The following ZC2HC1B variants were observed in gnomAD, a reference collection of about 807,000 sequenced individuals.
ZC2HC1B encodes the protein zinc finger C2HC-type containing 1B.
ZC2HC1B carries 36 observed loss-of-function variants against 31.0 expected under a neutral mutation model. The ratio of observed to expected loss-of-function variants is 1.16; its 90% CI spans 0.89 to 1.54. The LOEUF is 1.54. Ranked by LOEUF, ZC2HC1B falls within the 40% of genes most tolerant of loss-of-function variation. The pLI is 0.00. For missense variants in ZC2HC1B, 260 were observed against 268.6 expected (o/e 0.97, Z 0.22); for synonymous variants, 73 against 88.0 (o/e 0.83, Z 0.95).
chr6:143,929,321 C>T (rs1408049693), intron 6 of ZC2HC1B, among the ~76,000 whole-genome samples: 1 of 152,138 alleles, frequency 6.6e-6, no homozygotes, highest in East Asian at 1.9e-4. Flanking sequence ...AATGCTTTTT[C>T]TAATCTATTG....
intron 5 of ZC2HC1B, 124 bp downstream of exon 5, chr6:143,898,815 T>C (rs894526514): frequency 3.2e-6 from 4 of 1,248,222 alleles, no homozygotes; most frequent in African/African-American, 3.0e-5. Flanking sequence ...GAGCTGATCA[T>C]GATTGCTCAC....
chr6:143,883,960 G>A lies in ZC2HC1B; in HGVS notation c.29-344G>A, dbSNP rs1000466911. ...AGTCCCAAAGATGTTACCACTGGTG[G>A]TAAAAATACCACCTTATACTAAGGT... is the stretch of plus-strand genomic sequence containing the variant. On this transcript the variant is annotated intron_variant, in intron 1 of 7. Coordinates refer to ENST00000237275, the MANE Select transcript of ZC2HC1B (RefSeq NM_001013623.3). This position sits in a 1 kb window ranked among gnomAD's most constrained non-coding sequence, Gnocchi z 4.1. Among the ~76,000 whole-genome samples the A allele has an allele frequency of 9.2e-5, 14 of 152,082 alleles. No homozygotes were observed. The highest frequency in any genetic ancestry group is 3.4e-4 in the African/African-American group (14 of 41,402).
intron 6 of ZC2HC1B, among the ~76,000 whole-genome samples, chr6:143,916,842 A>G (rs1482366966): frequency 6.6e-6 from 1 of 152,216 alleles, no homozygotes; most frequent in Non-Finnish European, 1.5e-5. Flanking sequence ...CTTTTGATTT[A>G]CAGGCTCATA....
intron 5 of ZC2HC1B, among the ~76,000 whole-genome samples, chr6:143,898,941 T>C (rs973776850): frequency 6.6e-6 from 1 of 152,238 alleles, no homozygotes; most frequent in African/African-American, 2.4e-5. Flanking sequence ...AAGACTTGAA[T>C]ACATAGTGTT....
rs1777996060 is a variant in ZC2HC1B, at chr6:143,922,679, A to G, written c.599-14970A>G. Among the ~76,000 whole-genome samples, 1 of 152,190 alleles carries G rather than the reference A, an allele frequency of 6.6e-6. No homozygotes were observed. The highest frequency in any genetic ancestry group is 6.5e-5 in the Admixed American group (1 of 15,288). Reference sequence around the variant, plus strand: ...GATATCATTCTTTTTTTGTGGCTGAATAGTATTCCACTGAGTATATATACC... The same window carrying G: ...GATATCATTCTTTTTTTGTGGCTGAGTAGTATTCCACTGAGTATATATACC... On this transcript the variant is annotated intron_variant, in intron 6 of 7. Coordinates refer to ENST00000237275, the MANE Select transcript of ZC2HC1B (RefSeq NM_001013623.3). The surrounding 1 kb of genome is among the most constrained non-coding windows in gnomAD (Gnocchi z 5.0).
In ZC2HC1B at chr6:143,918,488, A is replaced by T. The variant is rs2128496669; in HGVS notation, c.598+15336A>T. Among the ~76,000 whole-genome samples the T allele has an allele frequency of 6.6e-6, 1 of 151,408 alleles. No individual in the cohort carries two copies. Among genetic ancestry groups the T allele is most frequent in the East Asian group, 1.9e-4 (1 of 5,160 alleles). On this transcript the variant is annotated intron_variant, in intron 6 of 7. Transcript: ENST00000237275. This position sits in a 1 kb window ranked among gnomAD's most constrained non-coding sequence, Gnocchi z 4.1. ...CATTTTTTTTCTTGCTACTCTGATT[A>T]TTTTTTGTCTTTTTCTTTTGAAAGT...
At chr6:143,929,166 C>G (rs970249901) in intron 6 of ZC2HC1B, among the ~76,000 whole-genome samples, 1 of 152,012 alleles carries the variant, frequency 6.6e-6, no homozygotes, top group Admixed American at 6.6e-5. Flanking sequence ...TTGTCTTGTT[C>G]TAGTTCTTAA....
chr6:143,935,992 A>T (rs9321949), intron 6 of ZC2HC1B, among the ~76,000 whole-genome samples: 98,201 of 151,968 alleles, frequency 0.65, 32,231 homozygotes, highest in South Asian at 0.78. Context: ...TATATTATAA[A>T]TCTAGTTGTT....
intron 6 of ZC2HC1B, among the ~76,000 whole-genome samples, chr6:143,907,834 A>G (rs540813844): frequency 6.6e-6 from 1 of 152,174 alleles, no homozygotes; most frequent in South Asian, 2.1e-4. Context: ...TGGTGTCTTC[A>G]TCATGAAATC....
rs1302343080 is a variant in ZC2HC1B, at chr6:143,884,400, T to C, written c.90+35T>C. On this transcript the variant is annotated intron_variant, in intron 2 of 7. Transcript: ENST00000237275. This position sits in a 1 kb window ranked among gnomAD's most constrained non-coding sequence, Gnocchi z 5.1. Reference sequence around the variant, plus strand: ...AAGACATTTTGTAGATGTGTTTCATTGGACTTAAATGAACTGTCAAGTCAG... The same window carrying C: ...AAGACATTTTGTAGATGTGTTTCATCGGACTTAAATGAACTGTCAAGTCAG... The C allele has an allele frequency of 6.6e-6, 10 of 1,515,288 alleles. No homozygotes were observed. Among genetic ancestry groups the C allele is most frequent in the Non-Finnish European group, 8.9e-6 (10 of 1,119,222 alleles). 93.9% of individuals were successfully genotyped at this position (1,515,288 alleles called of 1,614,324 possible).
chr6:143,934,996 G>A lies in ZC2HC1B; in HGVS notation c.599-2653G>A, dbSNP rs1778159823. Among the ~76,000 whole-genome samples, 1 of 152,100 alleles carries A rather than the reference G, an allele frequency of 6.6e-6. No homozygotes were observed. Among genetic ancestry groups the A allele is most frequent in the African/African-American group, 2.4e-5 (1 of 41,420 alleles). On this transcript the variant is annotated intron_variant, in intron 6 of 7. Coordinates refer to ENST00000237275, the MANE Select transcript of ZC2HC1B (RefSeq NM_001013623.3). This position sits in a 1 kb window ranked among gnomAD's most constrained non-coding sequence, Gnocchi z 4.6. ...TCAGGTTCCTGGGTGGCATGCATGG[G>A]GTTGCCAATAACATTGATGGTGGTA...
intron 6 of ZC2HC1B, 119 bp from the exon 7 acceptor site, chr6:143,937,530 C>T (rs372575535): frequency 6.3e-6 from 4 of 635,862 alleles, no homozygotes; most frequent in Non-Finnish European, 6.7e-6. Context: ...CCCCACCTCC[C>T]ACCAAAAAAA....
At chr6:143,881,469 T>G (rs1170366986) in intron 1 of ZC2HC1B, among the ~76,000 whole-genome samples, 4 of 144,308 alleles carry the variant, frequency 2.8e-5, no homozygotes, top group Non-Finnish European at 5.9e-5. Context: ...GAGGATTGCT[T>G]GAGTCCAGAA....
rs71024879 is a variant in ZC2HC1B at position 143,925,165 on chromosome 6, C to CTTTTTT, written c.599-12461_599-12456dup. Reference sequence around the variant, plus strand: ...TTTTATTACTGATTCAATCTCATTCCTTTTTTTTTTTTTTTTTTTTTTTTT... The same window carrying CTTTTTT: ...TTTTATTACTGATTCAATCTCATTCCTTTTTTTTTTTTTTTTTTTTTTTTTTTTTTT... On this transcript the variant is annotated intron_variant, in intron 6 of 7. Transcript: ENST00000237275. Among the ~76,000 whole-genome samples the CTTTTTT allele has an allele frequency of 5.8e-5, 6 of 104,182 alleles. 1 individual carries two copies. Among genetic ancestry groups the CTTTTTT allele is most frequent in the African/African-American group, 7.9e-5 (2 of 25,310 alleles). The allele number at this position is 104,182 out of a possible 152,430, so 68.3% of individuals were successfully genotyped here.
At chr6:143,920,312 C>T (rs1003280700) in intron 6 of ZC2HC1B, among the ~76,000 whole-genome samples, 6 of 151,946 alleles carry the variant, frequency 3.9e-5, no homozygotes, top group Admixed American at 1.3e-4. Context: ...GGAAAGAGAT[C>T]GTGAATGGGA....
In ZC2HC1B at chr6:143,874,952, C is replaced by A. The variant is rs557578676; in HGVS notation, c.29-9352C>A. The stretch of plus-strand genomic sequence containing the variant: ...GGTTCAAAGGATTCTCCCGCCTCAG[C>A]CCCCCGGGTATGTGGGACTGCAGGT... On this transcript the variant is annotated intron_variant, in intron 1 of 7. Transcript: ENST00000237275. 1.6e-3 allele frequency among the ~76,000 whole-genome samples: 249 copies of A among 152,250 alleles called. 1 individual carries two copies. Among genetic ancestry groups the A allele is most frequent in the African/African-American group, 5.6e-3 (233 of 41,538 alleles).
intron 1 of ZC2HC1B, among the ~76,000 whole-genome samples, chr6:143,867,783 C>G (rs530561313): frequency 5.3e-4 from 81 of 152,338 alleles, no homozygotes; most frequent in African/African-American, 1.8e-3. Flanking sequence ...ACGTCTGTCT[C>G]TAATCACACA....
chr6:143,901,646 G>T (rs1174302589), intron 5 of ZC2HC1B, among the ~76,000 whole-genome samples: 1 of 152,122 alleles, frequency 6.6e-6, no homozygotes, highest in Non-Finnish European at 1.5e-5. Context: ...GTAAAATGGG[G>T]TTAATCATGT....
intron 1 of ZC2HC1B, among the ~76,000 whole-genome samples, chr6:143,867,557 A>G (rs2128492795): frequency 6.6e-6 from 1 of 152,298 alleles, no homozygotes. Flanking sequence ...TTCTAAACTC[A>G]CCCTGACCTC....
Sources: gnomAD v4.1 joint callset for allele counts (sites outside exome capture counted in the v4.1 genomes callset) on GRCh38, gnomAD v4.1.1 for gene constraint, Gnocchi (gnomAD v3.1) non-coding constraint, MANE v1.5 for transcripts, NCBI Gene and HGNC (gene_info 2026-07-23, HGNC 2026-07-21) for gene names.